KCNN3: variants seen among roughly 807,000 people sequenced by gnomAD.
KCNN3 encodes small conductance calcium-activated potassium channel protein 3.
Under a neutral mutation model 62.9 loss-of-function variants are expected in KCNN3, and 16 were observed. That is an observed-to-expected ratio of 0.25 (90% CI 0.17 to 0.39). The LOEUF is 0.39. KCNN3 is among the 10% of genes least tolerant of loss of function. KCNN3 has a pLI of 1.00. For missense variants in KCNN3, 599 were observed against 949.4 expected (o/e 0.63, Z 4.85); for synonymous variants, 370 against 389.2 (o/e 0.95, Z 0.58).
chr1:154,772,501 G>T lies in KCNN3; in HGVS notation c.1030-108C>A. Reference sequence around the variant, plus strand: ...GGGGCAGGCTGCTGGGCTCAGGTCAGCCTGACCACCTCAGCATGCTCTTTA... The same window carrying T: ...GGGGCAGGCTGCTGGGCTCAGGTCATCCTGACCACCTCAGCATGCTCTTTA... On this transcript the variant is annotated intron_variant, in intron 2 of 7. Transcript: ENST00000271915. The surrounding 1 kb of genome is among the most constrained non-coding windows in gnomAD (Gnocchi z 5.6). 9.5e-7 allele frequency: 1 copy of T among 1,053,492 alleles called. No homozygotes were observed. Among genetic ancestry groups the T allele is most frequent in the Non-Finnish European group, 1.4e-6 (1 of 691,118 alleles). The allele number at this position is 1,053,492 out of a possible 1,614,324, so 65.3% of individuals were successfully genotyped here. A position where few individuals can be genotyped will look rare whatever the true frequency, so the allele number is the denominator to read the frequency against.
chr1:154,841,017 GC>G (rs141112969), intron 1 of KCNN3, among the ~76,000 whole-genome samples: 18,684 of 152,164 alleles, frequency 0.12, 1,219 homozygotes, highest in South Asian at 0.18. Context: ...GGGCAGGCCT[GC>G]CCCTGCGGGG....
chr1:154,710,299 C>G (rs1700048424), intron 7 of KCNN3, among the ~76,000 whole-genome samples: 1 of 152,148 alleles, frequency 6.6e-6, no homozygotes, highest in Non-Finnish European at 1.5e-5. Context: ...TCCCCCTGTT[C>G]CGTTGCTTGG....
At position 154,772,059 on chromosome 1, in the gene KCNN3, A is replaced by T; in HGVS notation, c.1364T>A (p.Met455Lys). The change falls in exon 3 of 8, where the codon ATG becomes AAG. Residue 455 changes from methionine to lysine, a missense_variant. Around this residue, in one of 7 missense-constraint regions of KCNN3, gnomAD observed 288 missense variants for 557.4 expected, o/e 0.52. Transcript: ENST00000271915. This position sits in a 1 kb window ranked among gnomAD's most constrained non-coding sequence, Gnocchi z 5.6. ...FNTRFVMKTL[M>K]TICPGTVLLV... ...CAGCACAGTGCCAGGGCAGATGGTC[A>T]TGAGCGTCTTCATGACAAAGCGGGT... 1 of 1,614,190 alleles carries T rather than the reference A, an allele frequency of 6.2e-7. No individual in the cohort carries two copies. Among genetic ancestry groups the T allele is most frequent in the Non-Finnish European group, 8.5e-7 (1 of 1,180,044 alleles).
intron 1 of KCNN3, among the ~76,000 whole-genome samples, chr1:154,836,490 G>A (rs1466357097): frequency 6.6e-6 from 1 of 152,240 alleles, no homozygotes; most frequent in East Asian, 1.9e-4. Flanking sequence ...GACCCCACTT[G>A]CCAGGGCAGA....
At chr1:154,821,556 G>A (rs369139362) in intron 2 of KCNN3, among the ~76,000 whole-genome samples, 11 of 152,156 alleles carry the variant, frequency 7.2e-5, no homozygotes, top group African/African-American at 2.2e-4. Context: ...AGGCCTTCTC[G>A]GCCACAGCAG....
chr1:154,814,661 G>A (rs547361416), intron 2 of KCNN3, among the ~76,000 whole-genome samples: 10 of 152,322 alleles, frequency 6.6e-5, no homozygotes, highest in African/African-American at 9.6e-5. Context: ...TAGACAAGAT[G>A]TGGCCACACC....
At chr1:154,764,841 C>T (rs1198538137) in intron 3 of KCNN3, among the ~76,000 whole-genome samples, 2 of 152,146 alleles carry the variant, frequency 1.3e-5, no homozygotes, top group Non-Finnish European at 2.9e-5. Context: ...CCAATGTCTG[C>T]CTTTCTTTAC....
At chr1:154,757,214 C>T (rs1647766262) in intron 3 of KCNN3, among the ~76,000 whole-genome samples, 1 of 152,230 alleles carries the variant, frequency 6.6e-6, no homozygotes, top group Non-Finnish European at 1.5e-5. Context: ...CTGCGGGAGC[C>T]TGAGAAACTA....
intron 2 of KCNN3, among the ~76,000 whole-genome samples, chr1:154,797,427 T>C (rs573199384): frequency 9.2e-5 from 14 of 152,336 alleles, no homozygotes; most frequent in African/African-American, 2.9e-4. Flanking sequence ...CGAAAGGAAG[T>C]ATTAATAGAA....
At position 154,707,803 on chromosome 1, in the gene KCNN3, G is replaced by T; in HGVS notation, c.*173C>A. On this transcript the variant is annotated 3_prime_UTR_variant, in exon 8 of 8. Coordinates refer to ENST00000271915, the MANE Select transcript of KCNN3 (RefSeq NM_002249.6). The stretch of plus-strand genomic sequence containing the variant: ...CACCTAAACAGAGATTAGATTTCTG[G>T]TTTCAAGGCATGTCGGACCAAGCAC... 1 of 723,468 alleles carries T rather than the reference G, an allele frequency of 1.4e-6. No individual in the cohort carries two copies. The highest frequency in any genetic ancestry group is 2.2e-6 in the Non-Finnish European group (1 of 445,986). 44.8% of individuals were successfully genotyped at this position (723,468 alleles called of 1,614,324 possible). A position where few individuals can be genotyped will look rare whatever the true frequency, so the allele number is the denominator to read the frequency against.
chr1:154,811,879 T>C (rs1406550083), intron 2 of KCNN3, among the ~76,000 whole-genome samples: 1 of 152,244 alleles, frequency 6.6e-6, no homozygotes, highest in Admixed American at 6.5e-5. Flanking sequence ...AGAGAGTCAA[T>C]GATCCTTACC....
intron 3 of KCNN3, among the ~76,000 whole-genome samples, chr1:154,767,172 G>A (rs777866547): frequency 4.3e-4 from 66 of 152,196 alleles, no homozygotes; most frequent in Non-Finnish European, 8.2e-4. Flanking sequence ...AATGGGAGTG[G>A]TGGCTCTCTT....
intron 2 of KCNN3, among the ~76,000 whole-genome samples, chr1:154,806,787 G>A (rs1650189229): frequency 1.3e-5 from 2 of 152,112 alleles, no homozygotes; most frequent in Admixed American, 1.3e-4. Flanking sequence ...TAAATCTTAT[G>A]TCAGCTCAGG....
chr1:154,727,897 C>T lies in KCNN3; in HGVS notation c.1591-1871G>A, dbSNP rs142560296. Among the ~76,000 whole-genome samples the T allele has an allele frequency of 2.4e-3, 360 of 152,310 alleles. 5 individuals carry two copies. Among genetic ancestry groups the T allele is most frequent in the African/African-American group, 8.1e-3 (335 of 41,572 alleles). The stretch of plus-strand genomic sequence containing the variant: ...TATGGAGTTCCAAAAGTACTTTGGG[C>T]TGAAAGCCCAAAAAGAGGGCTATAT... On this transcript the variant is annotated intron_variant, in intron 4 of 7. Coordinates refer to ENST00000271915, the MANE Select transcript of KCNN3 (RefSeq NM_002249.6).
chr1:154,726,112 G>T, intron 4 of KCNN3, 86 bp from the exon 5 acceptor site: 3 of 985,830 alleles, frequency 3.0e-6, no homozygotes, highest in Non-Finnish European at 3.1e-6. Flanking sequence ...TGGCGGCCAC[G>T]GGGGTAATTT....
chr1:154,755,787 G>GA (rs150370646), intron 3 of KCNN3, among the ~76,000 whole-genome samples: 70,060 of 129,668 alleles, frequency 0.54, 21,447 homozygotes, highest in African/African-American at 0.74. Flanking sequence ...AGAGAGAGAG[G>GA]GGAGGAGGAG....
At chr1:154,729,224 G>C (rs1557945759) in intron 4 of KCNN3, among the ~76,000 whole-genome samples, 1 of 152,136 alleles carries the variant, frequency 6.6e-6, no homozygotes, top group Non-Finnish European at 1.5e-5. Flanking sequence ...AGACTGGGGG[G>C]AAGAGCCATG....
At chr1:154,835,969 A>G (rs1438385411) in intron 1 of KCNN3, among the ~76,000 whole-genome samples, 1 of 152,192 alleles carries the variant, frequency 6.6e-6, no homozygotes, top group Non-Finnish European at 1.5e-5. Flanking sequence ...ACCCTCTGGC[A>G]TCAGTGGTCA....
intron 5 of KCNN3, among the ~76,000 whole-genome samples, chr1:154,722,644 G>A (rs889825912): frequency 4.0e-5 from 6 of 151,854 alleles, no homozygotes; most frequent in South Asian, 2.1e-4. Flanking sequence ...CATCTGCCTC[G>A]GCCTCCCAGA....
Sources: gnomAD v4.1 joint callset for allele counts (sites outside exome capture counted in the v4.1 genomes callset) on GRCh38, gnomAD v4.1.1 for gene constraint, gnomAD v4.1.1 regional missense constraint, Gnocchi (gnomAD v3.1) non-coding constraint, MANE v1.5 for transcripts, NCBI Gene and HGNC (gene_info 2026-07-23, HGNC 2026-07-21) for gene names.